PPP6R1: variants seen among roughly 807,000 people sequenced by gnomAD.
The protein encoded by PPP6R1 is serine/threonine-protein phosphatase 6 regulatory subunit 1.
Under a neutral mutation model 104.6 loss-of-function variants are expected in PPP6R1, and 39 were observed. The ratio of observed to expected loss-of-function variants is 0.37; its 90% CI spans 0.29 to 0.49. The LOEUF (loss-of-function observed/expected upper bound fraction) is 0.49. Among genes scored for constraint, PPP6R1 ranks in the 20% least tolerant of loss-of-function variants. The pLI is 0.98. For synonymous variants in PPP6R1, 549 were observed against 479.0 expected (o/e 1.15, Z -1.91); for missense variants, 1,181 against 1,155.8 (o/e 1.02, Z -0.32).
At chr19:55,228,401 G>A (rs760607278), downstream of PPP6R1, 2 of 1,613,388 alleles carry the variant, frequency 1.2e-6, no homozygotes, top group African/African-American at 2.7e-5. Context: ...CAGCAGGAGA[G>A]GATGAAGGGG....
intron 5 of PPP6R1, among the ~76,000 whole-genome samples, chr19:55,244,825 G>A (rs1331276913): frequency 6.6e-6 from 1 of 151,154 alleles, no homozygotes; most frequent in Admixed American, 6.6e-5. Context: ...ACTCACTATA[G>A]CCTTGACCTC....
In PPP6R1 at chr19:55,232,136, G is replaced by A. The variant is rs769962891; in HGVS notation, c.2064C>T (p.Gly688=). 6.3e-7 allele frequency: 1 copy of A among 1,593,246 alleles called. No individual in the cohort carries two copies. Among genetic ancestry groups the A allele is most frequent in the South Asian group, 1.1e-5 (1 of 87,858 alleles). The change falls in exon 18 of 24, where the codon GGC becomes GGT. Residue 688 remains glycine (G), a synonymous_variant. Coordinates refer to ENST00000412770, the MANE Select transcript of PPP6R1 (RefSeq NM_014931.4). ...GGGTGGCCCCTCCACGGGCTGCACA[G>A]CCAATGCCCTCCTCGTCTTCCTCCT... ...EEEEEDEEGI[G]CAARGGATPL...
Position 55,231,608 on chromosome 19 carries a change from C to A in PPP6R1, c.2367G>T (p.Thr789=). ...CAAAGCGGGGCTCACCTGAGGGCTC[C>A]GTGACTTTGCTGCCTTCTGTGGCTT... is the stretch of plus-strand genomic sequence containing the variant. The part of the protein sequence containing the change: ...PQEATEGSKV[T]EPSAPCQALV... Residue 789 remains threonine, a synonymous_variant, in exon 20 of 24, where the codon ACG becomes ACT. Coordinates refer to ENST00000412770, the MANE Select transcript of PPP6R1 (RefSeq NM_014931.4). 1 of 1,611,196 alleles carries A rather than the reference C, an allele frequency of 6.2e-7. No homozygotes were observed. Among genetic ancestry groups the A allele is most frequent in the Non-Finnish European group, 8.5e-7 (1 of 1,178,754 alleles).
chr19:55,233,405 C>T (rs571900198), intron 17 of PPP6R1, among the ~76,000 whole-genome samples: 1 of 152,194 alleles, frequency 6.6e-6, no homozygotes, highest in African/African-American at 2.4e-5. Flanking sequence ...AACAAGGATG[C>T]CTGTTCTTGC....
rs1353884731 is a variant in PPP6R1 at position 55,245,607 on chromosome 19, T to G, written c.299A>C (p.Glu100Ala). Reference sequence around the variant, plus strand: ...GCCGTAGAGCCGGTTCAGAAGGGACTCATCAGCACCCAGGGCATCATTGAT... The same window carrying G: ...GCCGTAGAGCCGGTTCAGAAGGGACGCATCAGCACCCAGGGCATCATTGAT... ...PQINDALGAD[E>A]SLLNRLYGFL... The change falls in exon 3 of 24, where the codon GAG (glutamate) becomes GCG (alanine). Residue 100 changes from glutamate (E) to alanine (A), a missense_variant. Coordinates refer to ENST00000412770, the MANE Select transcript of PPP6R1 (RefSeq NM_014931.4). The surrounding 1 kb of genome is among the most constrained non-coding windows in gnomAD (Gnocchi z 6.4). The G allele has an allele frequency of 1.3e-5, 21 of 1,612,418 alleles. No individual in the cohort carries two copies. The highest frequency in any genetic ancestry group is 1.7e-5 in the Non-Finnish European group (20 of 1,179,752).
At chr19:55,248,952 G>A (rs117652767) in intron 1 of PPP6R1, among the ~76,000 whole-genome samples, 3,527 of 152,280 alleles carry the variant, frequency 0.023, 78 homozygotes, top group East Asian at 0.055. Flanking sequence ...GCTCAGCACA[G>A]AAGGTTGCAG....
At chr19:55,258,082 A>AG (rs1483717570) in intron 1 of PPP6R1, among the ~76,000 whole-genome samples, 1 of 152,182 alleles carries the variant, frequency 6.6e-6, no homozygotes, top group African/African-American at 2.4e-5. Context: ...CAGGGTAACC[A>AG]GGGAGAAAGA....
chr19:55,246,411 G>A (rs542506756), intron 2 of PPP6R1, among the ~76,000 whole-genome samples: 5 of 142,430 alleles, frequency 3.5e-5, no homozygotes, highest in African/African-American at 1.1e-4. Flanking sequence ...GATAAAGTGA[G>A]TCTCAAAAAA....
Position 55,239,514 on chromosome 19 carries a change from C to A in PPP6R1, c.1654-12G>T. 6.2e-7 allele frequency: 1 copy of A among 1,613,448 alleles called. No individual in the cohort carries two copies. Among genetic ancestry groups the A allele is most frequent in the Non-Finnish European group, 8.5e-7 (1 of 1,179,554 alleles). ...AAGTCCATGAAGGCCTGTGGGGGTG[C>A]GGAGGTTAGGGCTGGAGGGAGTTGG... On this transcript the variant is annotated splice_polypyrimidine_tract_variant and intron_variant, in intron 14 of 23. Coordinates refer to ENST00000412770, the MANE Select transcript of PPP6R1 (RefSeq NM_014931.4).
intron 1 of PPP6R1, among the ~76,000 whole-genome samples, chr19:55,250,248 G>C (rs929259769): frequency 6.6e-6 from 1 of 152,214 alleles, no homozygotes; most frequent in African/African-American, 2.4e-5. Flanking sequence ...CCACCCTCCA[G>C]GGAATGGCCT....
chr19:55,254,819 C>G (rs948829777), intron 1 of PPP6R1, among the ~76,000 whole-genome samples: 1 of 152,238 alleles, frequency 6.6e-6, no homozygotes, highest in Non-Finnish European at 1.5e-5. Context: ...CCTCTAATGT[C>G]CCCCAAGCCT....
At chr19:55,248,479 C>T (rs1600114995) in intron 1 of PPP6R1, among the ~76,000 whole-genome samples, 2 of 152,276 alleles carry the variant, frequency 1.3e-5, no homozygotes, top group Admixed American at 1.3e-4. Context: ...CAAGTCACTA[C>T]AGAGGATGCT....
chr19:55,258,995 C>G lies in PPP6R1; in HGVS notation c.-567G>C, dbSNP rs944831290. ...GCCTCAGGGCCTCCGACGCCCGGCT[C>G]CCTCCGCCACTATCCCACAATCCCC... is the stretch of plus-strand genomic sequence containing the variant. On this transcript the variant is annotated 5_prime_UTR_variant, in exon 1 of 24. Coordinates refer to ENST00000412770, the MANE Select transcript of PPP6R1 (RefSeq NM_014931.4). 3 of 152,072 alleles carry G rather than the reference C, an allele frequency of 2.0e-5. No individual in the cohort carries two copies. The highest frequency in any genetic ancestry group is 6.6e-5 in the Admixed American group (1 of 15,266). The allele number at this position is 152,072 out of a possible 1,614,324, so 9.4% of individuals were successfully genotyped here. A position where few individuals can be genotyped will look rare whatever the true frequency, so the allele number is the denominator to read the frequency against.
At position 55,247,002 on chromosome 19, in the gene PPP6R1, C is replaced by A. The variant is rs576381759; in HGVS notation, c.102G>T (p.Leu34=). Residue 34 remains leucine (L), a synonymous_variant, in exon 2 of 24, where the codon CTG becomes CTT. Transcript: ENST00000412770. ...TGCGGTTGACGACCTTGCACTCCTG[C>A]AGCACGTCTTCCTCGTCCAGCAGCT... is the stretch of plus-strand genomic sequence containing the variant. ...LPELLDEEDV[L]QECKVVNRKL... 1 of 1,613,926 alleles carries A rather than the reference C, an allele frequency of 6.2e-7. No homozygotes were observed. The highest frequency in any genetic ancestry group is 1.3e-5 in the African/African-American group (1 of 75,062).
intron 1 of PPP6R1, among the ~76,000 whole-genome samples, chr19:55,254,162 T>C (rs993308233): frequency 2.0e-5 from 3 of 152,230 alleles, no homozygotes; most frequent in African/African-American, 4.8e-5. Flanking sequence ...ACCATTCGGA[T>C]ACTACGGCAG....
intron 22 of PPP6R1, 36 bp downstream of exon 22, chr19:55,230,738 A>ACCCCG: frequency 1.1e-6 from 1 of 925,650 alleles, no homozygotes; most frequent in Non-Finnish European, 1.6e-6. Context: ...CACCAGCCCC[A>ACCCCG]CCCCCACCCC....
rs1314835985 is a variant in PPP6R1 at position 55,246,844 on chromosome 19, A to G, written c.227+33T>C. 4 of 1,510,218 alleles carry G rather than the reference A, an allele frequency of 2.6e-6. No individual in the cohort carries two copies. In the East Asian group the frequency reaches 9.6e-5, roughly 36 times the overall value. 93.6% of individuals were successfully genotyped at this position (1,510,218 alleles called of 1,614,324 possible). On this transcript the variant is annotated intron_variant, in intron 2 of 23. Transcript: ENST00000412770. ...TAGTGAAGGTATGTGTGATGCTGAT[A>G]GGGACGGGCTGGCCAGGAGCTGGGG...
At chr19:55,244,949 G>A (rs966528715) in intron 5 of PPP6R1, among the ~76,000 whole-genome samples, 171 bp downstream of exon 5, 1 of 152,100 alleles carries the variant, frequency 6.6e-6, no homozygotes, top group Non-Finnish European at 1.5e-5. Context: ...TGTTGCCCAA[G>A]CTGGTCTCAA....
intron 1 of PPP6R1, among the ~76,000 whole-genome samples, chr19:55,250,854 C>T (rs966037178): frequency 2.6e-5 from 4 of 152,140 alleles, no homozygotes; most frequent in Non-Finnish European, 5.9e-5. Flanking sequence ...CGCAGGCGAC[C>T]CCTGCTCGTT....
Sources: allele counts gnomAD v4.1 joint callset (sites outside exome capture counted in the v4.1 genomes callset), GRCh38; gene constraint gnomAD v4.1.1; non-coding constraint Gnocchi (gnomAD v3.1); transcripts MANE v1.5; gene names NCBI Gene and HGNC (gene_info 2026-07-23, HGNC 2026-07-21).